The following TLL1 variants were observed in gnomAD, a reference collection of about 807,000 sequenced individuals.
The protein encoded by TLL1 is tolloid-like protein 1.
A neutral mutation model predicts 128.2 loss-of-function variants in TLL1; 49 were observed. The observed-to-expected ratio is 0.38, with a 90% confidence interval of 0.30 to 0.48. The LOEUF (loss-of-function observed/expected upper bound fraction) is 0.48, where lower values mean the gene tolerates loss of function less well. Among genes scored for constraint, TLL1 ranks in the 20% least tolerant of loss-of-function variants. TLL1 has a pLI of 0.96. For synonymous variants in TLL1, 454 were observed against 418.8 expected, an observed-to-expected ratio of 1.08 and a Z score of -1.03; for missense variants, 1,123 against 1,242.0, an observed-to-expected ratio of 0.90 and a Z score of 1.44.
At chr4:165,957,497 AATTT>A (rs1372758820) in intron 1 of TLL1, among the ~76,000 whole-genome samples, 4 of 151,764 alleles carry the variant, frequency 2.6e-5, no homozygotes, top group African/African-American at 4.8e-5. Flanking sequence ...TTTTAAATGT[AATTT>A]ATTTATTTAC....
chr4:165,972,832 C>A (rs930389324), intron 1 of TLL1, among the ~76,000 whole-genome samples: 12 of 152,194 alleles, frequency 7.9e-5, no homozygotes, highest in Non-Finnish European at 1.5e-5. Context: ...TTCAGAGGAA[C>A]ATCAAGTCTG....
chr4:165,881,650 C>A (rs577835176), intron 1 of TLL1, among the ~76,000 whole-genome samples: 1 of 152,072 alleles, frequency 6.6e-6, no homozygotes, highest in East Asian at 2.0e-4. Context: ...AGAGCATTCT[C>A]GTAGTGTGAG....
chr4:165,994,973 G>A, intron 4 of TLL1, 88 bp from the exon 5 acceptor site: 1 of 1,069,062 alleles, frequency 9.4e-7, no homozygotes, highest in Non-Finnish European at 1.4e-6. Flanking sequence ...ATTCTGCACT[G>A]CTCAGCCAGA....
At chr4:165,960,779 TC>T (rs1346305249) in intron 1 of TLL1, among the ~76,000 whole-genome samples, 1 of 151,982 alleles carries the variant, frequency 6.6e-6, no homozygotes, top group Non-Finnish European at 1.5e-5. Flanking sequence ...ATAAAAACCC[TC>T]AACAAACTAG....
rs140136361 is a variant in TLL1 at position 165,953,080 on chromosome 4, T to C, written c.170-36301T>C. On this transcript the variant is annotated intron_variant, in intron 1 of 20. Coordinates refer to ENST00000061240, the MANE Select transcript of TLL1 (RefSeq NM_012464.5). ...CAAAATGAAGGTCAGAATAAGATGT[T>C]AAAAGCAGTTGTTGTTTTGTTGAAG... 2.6e-5 allele frequency among the ~76,000 whole-genome samples: 4 copies of C among 152,260 alleles called. No homozygotes were observed. The East Asian group carries it at 7.7e-4, about 29-fold the overall frequency.
intron 17 of TLL1, among the ~76,000 whole-genome samples, chr4:166,075,779 G>A (rs1018034469): frequency 6.6e-6 from 1 of 152,116 alleles, no homozygotes; most frequent in East Asian, 1.9e-4. Flanking sequence ...TACATTGGAA[G>A]GTACCTGACT....
rs1560831145 is a variant in TLL1 at position 166,043,430 on chromosome 4, T to C, written c.1524+11T>C. 3 of 1,614,064 alleles carry C rather than the reference T, an allele frequency of 1.9e-6. No individual in the cohort carries two copies. Among genetic ancestry groups the C allele is most frequent in the Non-Finnish European group, 2.5e-6 (3 of 1,179,942 alleles). On this transcript the variant is annotated intron_variant, in intron 12 of 20. Transcript: ENST00000061240. ...TTTCAGTCCTTTGAGGTAAAGTCTT[T>C]TAGGCTATCTTCCTGGCAAATATTC...
At chr4:166,048,234 C>T (rs1462790235) in intron 12 of TLL1, among the ~76,000 whole-genome samples, 1 of 127,976 alleles carries the variant, frequency 7.8e-6, no homozygotes, top group Non-Finnish European at 1.6e-5. Flanking sequence ...GAAATTCCGT[C>T]TCGGAAAAAA....
chr4:166,055,406 G>T, intron 13 of TLL1, 135 bp downstream of exon 13: 1 of 770,516 alleles, frequency 1.3e-6, no homozygotes, highest in Non-Finnish European at 2.1e-6. Flanking sequence ...GGAGAGTTTC[G>T]ATAGAAAAGG....
intron 1 of TLL1, among the ~76,000 whole-genome samples, chr4:165,885,459 A>C (rs529638311): frequency 4.6e-5 from 7 of 152,076 alleles, no homozygotes; most frequent in Admixed American, 2.6e-4. Context: ...AGTTTTGTTC[A>C]TATCATGGCA....
intron 1 of TLL1, among the ~76,000 whole-genome samples, chr4:165,959,874 C>T (rs1735009823): frequency 6.6e-6 from 1 of 152,068 alleles, no homozygotes. Flanking sequence ...TACTAAACAC[C>T]TACCTCAAGA....
At chr4:165,983,257 A>AT (rs982383950) in intron 1 of TLL1, among the ~76,000 whole-genome samples, 4 of 152,024 alleles carry the variant, frequency 2.6e-5, no homozygotes, top group Admixed American at 1.3e-4. Flanking sequence ...ATTGTGGGCT[A>AT]TAAGTGCAGA....
rs941232773 is a variant in TLL1 at position 166,022,876 on chromosome 4, C to T, written c.1043-2440C>T. 2.0e-5 allele frequency among the ~76,000 whole-genome samples: 3 copies of T among 152,058 alleles called. No homozygotes were observed. The South Asian group carries it at 6.2e-4, about 32-fold the overall frequency. ...TTCTCAGTTGTTTTGTTTTAAATTTCTTGTGATTAGAACATTGGTATGCTT... is the reference window on the plus strand; with the variant it reads ...TTCTCAGTTGTTTTGTTTTAAATTTTTTGTGATTAGAACATTGGTATGCTT... On this transcript the variant is annotated intron_variant, in intron 8 of 20. Transcript: ENST00000061240.
chr4:165,942,343 C>T (rs1419192249), intron 1 of TLL1, among the ~76,000 whole-genome samples: 1 of 151,470 alleles, frequency 6.6e-6, no homozygotes, highest in Non-Finnish European at 1.5e-5. Flanking sequence ...GCATCACTTA[C>T]AGCAGGAAGC....
At chr4:165,907,610 A>T (rs1052727092) in intron 1 of TLL1, among the ~76,000 whole-genome samples, 1 of 149,832 alleles carries the variant, frequency 6.7e-6, no homozygotes, top group Non-Finnish European at 1.5e-5. Context: ...GTGCAATGGC[A>T]TGATCTTGGC....
rs1004891022 is a variant in TLL1, at chr4:165,990,773, A to G, written c.280+1282A>G. 2.0e-5 allele frequency among the ~76,000 whole-genome samples: 3 copies of G among 152,082 alleles called. No homozygotes were observed. In the East Asian group the frequency reaches 5.8e-4, roughly 29 times the overall value. ...TAAAAATTTATTTAAAGTAGGGAGT[A>G]TGTAAGAGAAAGCCTAAGGAATTCA... On this transcript the variant is annotated intron_variant, in intron 2 of 20. Transcript: ENST00000061240.
chr4:166,091,458 C>A, intron 19 of TLL1, 117 bp downstream of exon 19: 1 of 814,942 alleles, frequency 1.2e-6, no homozygotes, highest in Non-Finnish European at 1.9e-6. Context: ...GATAAAATTT[C>A]ACTGAAGCAC....
chr4:165,883,749 A>G (rs999613120), intron 1 of TLL1, among the ~76,000 whole-genome samples: 1 of 152,176 alleles, frequency 6.6e-6, no homozygotes, highest in Non-Finnish European at 1.5e-5. Flanking sequence ...AAAACATTTC[A>G]TATCTCAAGT....
At chr4:165,935,594 C>G (rs1057293674) in intron 1 of TLL1, among the ~76,000 whole-genome samples, 5 of 152,216 alleles carry the variant, frequency 3.3e-5, no homozygotes, top group African/African-American at 1.2e-4. Context: ...CAAAAGCTAT[C>G]CATGTGCCCT....
Sources: gnomAD v4.1 joint callset for allele counts (sites outside exome capture counted in the v4.1 genomes callset) on GRCh38, gnomAD v4.1.1 for gene constraint, MANE v1.5 for transcripts, NCBI Gene and HGNC (gene_info 2026-07-23, HGNC 2026-07-21) for gene names.